SLC25A29: variants seen among roughly 807,000 people sequenced by gnomAD.
SLC25A29 encodes solute carrier family 25 member 29.
In SLC25A29, 13 loss-of-function variants were observed where a neutral mutation model predicts 10.0. The ratio of observed to expected loss-of-function variants is 1.30; its 90% CI spans 0.85 to 2.07. The LOEUF (loss-of-function observed/expected upper bound fraction) is 2.07, where lower values mean the gene tolerates loss of function less well. Among genes scored for constraint, SLC25A29 ranks in the 30% most tolerant of loss-of-function variants. The pLI, the probability that SLC25A29 is intolerant of heterozygous loss-of-function variation, is 0.00. For missense variants in SLC25A29, 475 were observed against 447.6 expected (o/e 1.06, Z -0.55); for synonymous variants, 244 against 221.1 (o/e 1.10, Z -0.92).
At chr14:100,298,751 T>C in intron 2 of SLC25A29, 91 bp downstream of exon 2, 1 of 1,529,290 alleles carries the variant, frequency 6.5e-7, no homozygotes, top group Non-Finnish European at 9.1e-7. Context: ...CACCTGGGGC[T>C]GTACACGGAA....
At chr14:100,298,791 G>A in intron 2 of SLC25A29, 51 bp downstream of exon 2, 1 of 1,612,214 alleles carries the variant, frequency 6.2e-7, no homozygotes, top group Non-Finnish European at 8.5e-7. Context: ...AACCCTGTGA[G>A]CCTCTCTCCA....
the SLC25A29 span, chr14:100,279,314 A>G: frequency 6.6e-6 from 1 of 152,204 alleles, no homozygotes; most frequent in African/African-American, 2.4e-5. Flanking sequence ...ATGGCCAGGG[A>G]CCCCATCAGG....
At chr14:100,288,382 CAAAA>C (rs541814439), downstream of SLC25A29, among the ~76,000 whole-genome samples, 2 of 63,830 alleles carry the variant, frequency 3.1e-5, no homozygotes, top group African/African-American at 6.7e-5. Flanking sequence ...AACTCTATCT[CAAAA>C]AAAAAAAAAA....
intron 2 of SLC25A29, 177 bp downstream of exon 2, chr14:100,298,665 G>T: frequency 1.3e-6 from 1 of 785,240 alleles, no homozygotes; most frequent in Non-Finnish European, 2.1e-6. Flanking sequence ...CCAGCATGTG[G>T]ATCAGCCCCA....
intron 1 of SLC25A29, among the ~76,000 whole-genome samples, chr14:100,300,201 G>A (rs1417478902): frequency 6.6e-6 from 1 of 152,132 alleles, no homozygotes; most frequent in Admixed American, 6.5e-5. Flanking sequence ...AATCCAGGAG[G>A]CAGAAGTTGC....
In SLC25A29 at chr14:100,292,775, C is replaced by A; in HGVS notation, c.420G>T (p.Gln140His). Reference sequence around the variant, plus strand: ...CACGCAGACCCTCGTGCCCGTAGATCTGCGCGAGGCAGTCCAGCGAGCCCT... The same window carrying A: ...CACGCAGACCCTCGTGCCCGTAGATATGCGCGAGGCAGTCCAGCGAGCCCT... Reference protein sequence around the residue: ...TYKGSLDCLAQIYGHEGLRGV... With the variant: ...TYKGSLDCLAHIYGHEGLRGV... Residue 140 changes from glutamine (Q) to histidine (H), a missense_variant, in exon 4 of 4, where the codon CAG becomes CAT. Transcript: ENST00000359232. The A allele has an allele frequency of 6.3e-7, 1 of 1,599,320 alleles. No individual in the cohort carries two copies. The highest frequency in any genetic ancestry group is 8.5e-7 in the Non-Finnish European group (1 of 1,174,510).
chr14:100,286,006 G>T, the SLC25A29 span, among the ~76,000 whole-genome samples: 1 of 152,082 alleles, frequency 6.6e-6, no homozygotes, highest in Admixed American at 6.5e-5. Flanking sequence ...CGTGGCGGGG[G>T]CTCCTACCAT....
chr14:100,291,814 C>T lies in SLC25A29; in HGVS notation c.*469G>A. ...ACACCAAGTTTTCCTCTGTCCCTAACACAGACCAGAGGGGTGGCCCACCAC... is the reference window on the plus strand; with the variant it reads ...ACACCAAGTTTTCCTCTGTCCCTAATACAGACCAGAGGGGTGGCCCACCAC... On this transcript the variant is annotated 3_prime_UTR_variant, in exon 4 of 4. Transcript: ENST00000359232. 1 of 219,478 alleles carries T rather than the reference C, an allele frequency of 4.6e-6. No homozygotes were observed. Among genetic ancestry groups the T allele is most frequent in the South Asian group, 5.7e-5 (1 of 17,556 alleles). 13.6% of individuals were successfully genotyped at this position (219,478 alleles called of 1,614,324 possible). A position where few individuals can be genotyped will look rare whatever the true frequency, so the allele number is the denominator to read the frequency against.
At chr14:100,299,224 AT>A in intron 1 of SLC25A29, 2 of 1,152,080 alleles carry the variant, frequency 1.7e-6, no homozygotes, top group Admixed American at 4.5e-5. Context: ...TTTCTGGGAT[AT>A]CCCATTAATC....
In SLC25A29 at chr14:100,292,247, GAGA is replaced by G. The variant is rs749951414; in HGVS notation, c.*33_*35del. The G allele has an allele frequency of 1.9e-5, 29 of 1,530,544 alleles. No individual in the cohort carries two copies. The highest frequency in any genetic ancestry group is 2.4e-5 in the Non-Finnish European group (27 of 1,140,298). 94.8% of individuals were successfully genotyped at this position (1,530,544 alleles called of 1,614,324 possible). ...GGGCCAATTTATGTCCCAGGTTTCT[GAGA>G]AGGAGCCCTGGGGAAGGAGGGCGGG... On this transcript the variant is annotated 3_prime_UTR_variant, in exon 4 of 4. Transcript: ENST00000359232.
downstream of SLC25A29, among the ~76,000 whole-genome samples, chr14:100,290,261 C>A (rs1891634272): frequency 6.6e-6 from 1 of 152,250 alleles, no homozygotes; most frequent in African/African-American, 2.4e-5. Flanking sequence ...AAGGGGCTGC[C>A]AAAGCTGGAC....
chr14:100,283,698 G>A, the SLC25A29 span, among the ~76,000 whole-genome samples: 4 of 151,846 alleles, frequency 2.6e-5, no homozygotes, highest in Non-Finnish European at 4.4e-5. Flanking sequence ...GGCCAGGCTG[G>A]TGTTAAACTT....
downstream of SLC25A29, among the ~76,000 whole-genome samples, chr14:100,288,111 G>A (rs193231455): frequency 4.5e-3 from 689 of 152,264 alleles, 1 homozygote; most frequent in African/African-American, 7.4e-3. Context: ...GGCCAGGCGC[G>A]GTGGCTCATG....
At chr14:100,301,147 C>G (rs1892517410) in intron 1 of SLC25A29, among the ~76,000 whole-genome samples, 1 of 151,494 alleles carries the variant, frequency 6.6e-6, no homozygotes, top group Admixed American at 6.6e-5. Flanking sequence ...GGCCCGCCCA[C>G]TTTGGCCTCC....
At chr14:100,298,196 G>A (rs1181787746) in intron 2 of SLC25A29, 1 of 155,908 alleles carries the variant, frequency 6.4e-6, no homozygotes, top group East Asian at 1.9e-4. Context: ...TTGCCCTGGG[G>A]CCAAGGAAAA....
downstream of SLC25A29, among the ~76,000 whole-genome samples, chr14:100,289,403 C>A (rs557870386): frequency 6.6e-6 from 1 of 152,262 alleles, no homozygotes; most frequent in South Asian, 2.1e-4. Flanking sequence ...TGTTGGATGC[C>A]CTCTGGGAAC....
rs1309197055 is a variant in SLC25A29 at position 100,291,546 on chromosome 14, G to A, written c.*737C>T. The A allele has an allele frequency of 6.6e-6, 1 of 152,332 alleles. No individual in the cohort carries two copies. Among genetic ancestry groups the A allele is most frequent in the Non-Finnish European group, 1.5e-5 (1 of 68,154 alleles). 9.4% of individuals were successfully genotyped at this position (152,332 alleles called of 1,614,324 possible). Reference sequence around the variant, plus strand: ...GCAGCCTGAGGCCCAGAGGCGGAAGGATTTCTCCTTGCCACAGCTGCATCA... The same window carrying A: ...GCAGCCTGAGGCCCAGAGGCGGAAGAATTTCTCCTTGCCACAGCTGCATCA... On this transcript the variant is annotated 3_prime_UTR_variant, in exon 4 of 4. Coordinates refer to ENST00000359232, the MANE Select transcript of SLC25A29 (RefSeq NM_001039355.3).
chr14:100,300,163 C>G (rs971109452), intron 1 of SLC25A29, among the ~76,000 whole-genome samples: 1 of 152,080 alleles, frequency 6.6e-6, no homozygotes, highest in Non-Finnish European at 1.5e-5. Flanking sequence ...CCCAGCTACT[C>G]AGGAGGCTGA....
intron 2 of SLC25A29, chr14:100,298,257 A>ACAAGCG (rs1417609865): frequency 6.3e-6 from 1 of 159,996 alleles, no homozygotes; most frequent in Non-Finnish European, 1.4e-5. Flanking sequence ...CAGCCCAACC[A>ACAAGCG]CAAGCGGAGG....
Sources: allele counts gnomAD v4.1 joint callset (sites outside exome capture counted in the v4.1 genomes callset), GRCh38; gene constraint gnomAD v4.1.1; transcripts MANE v1.5; gene names NCBI Gene and HGNC (gene_info 2026-07-23, HGNC 2026-07-21).